Variants in RAD51B observed in about 807,000 individuals in gnomAD.
RAD51B encodes the protein DNA repair protein RAD51 homolog 2.
A neutral mutation model predicts 42.2 loss-of-function variants in RAD51B; 38 were observed. That is an observed-to-expected ratio of 0.90 (90% CI 0.70 to 1.18). The LOEUF (loss-of-function observed/expected upper bound fraction) is 1.18, where lower values mean the gene tolerates loss of function less well. RAD51B is among the 50% of genes most tolerant of loss of function. The pLI is 0.00. For synonymous variants in RAD51B, 154 were observed against 145.2 expected (o/e 1.06, Z -0.43); for missense variants, 373 against 400.7 (o/e 0.93, Z 0.59).
At chr14:68,118,164 A>G (rs563193301) in intron 7 of RAD51B, among the ~76,000 whole-genome samples, 2 of 152,354 alleles carry the variant, frequency 1.3e-5, no homozygotes, top group African/African-American at 4.8e-5. Context: ...AACAGTAGAC[A>G]AAATAGTAGT....
intron 7 of RAD51B, among the ~76,000 whole-genome samples, chr14:67,943,921 G>A (rs1453897211): frequency 6.6e-6 from 1 of 152,160 alleles, no homozygotes; most frequent in Non-Finnish European, 1.5e-5. Context: ...TATAGATATA[G>A]ATAGTGTAGG....
intron 8 of RAD51B, among the ~76,000 whole-genome samples, chr14:68,301,138 C>A (rs2081725997): frequency 6.6e-6 from 1 of 152,078 alleles, no homozygotes; most frequent in African/African-American, 2.4e-5. Flanking sequence ...TTTTTTTTAA[C>A]CATACTTCCA....
chr14:68,349,537 T>A (rs1395873640), intron 8 of RAD51B, among the ~76,000 whole-genome samples: 1 of 152,188 alleles, frequency 6.6e-6, no homozygotes, highest in Non-Finnish European at 1.5e-5. Flanking sequence ...AGCTAATTTC[T>A]GTATTTTCAG....
intron 7 of RAD51B, among the ~76,000 whole-genome samples, chr14:67,927,375 A>G (rs979930423): frequency 1.3e-5 from 2 of 152,192 alleles, no homozygotes; most frequent in Admixed American, 6.5e-5. Flanking sequence ...TCTGACATAT[A>G]CATAATATTG....
intron 7 of RAD51B, among the ~76,000 whole-genome samples, chr14:68,023,453 A>C (rs2075902042): frequency 6.6e-6 from 1 of 151,980 alleles, no homozygotes; most frequent in Non-Finnish European, 1.5e-5. Context: ...TCGCCTCCTG[A>C]GTAGCTGTGA....
rs538985554 is a variant in RAD51B, at chr14:68,644,653, C to T, written c.1037-6128C>T. ...TGTGAGAAGAAGTGGAATCTCTGCTCCGTTTTCAATCTCCCCTCACAGATT... is the reference window on the plus strand; with the variant it reads ...TGTGAGAAGAAGTGGAATCTCTGCTTCGTTTTCAATCTCCCCTCACAGATT... On this transcript the variant is annotated intron_variant, in intron 10 of 11. Transcript: ENST00000488612. 3.9e-5 allele frequency among the ~76,000 whole-genome samples: 6 copies of T among 152,160 alleles called. No homozygotes were observed. In the East Asian group the frequency reaches 1.2e-3, roughly 29 times the overall value.
At chr14:68,039,462 T>A (rs1416610434) in intron 7 of RAD51B, among the ~76,000 whole-genome samples, 2 of 151,096 alleles carry the variant, frequency 1.3e-5, no homozygotes, top group Non-Finnish European at 2.9e-5. Flanking sequence ...GTTATATATC[T>A]ATAACCATTA....
intron 9 of RAD51B, among the ~76,000 whole-genome samples, chr14:68,427,143 T>C (rs763027527): frequency 1.3e-5 from 2 of 152,208 alleles, no homozygotes; most frequent in African/African-American, 4.8e-5. Context: ...ATATATTGGA[T>C]AGCCTGGACA....
At chr14:67,835,005 T>C (rs917699114) in intron 3 of RAD51B, 75 bp from the exon 4 acceptor site, 11 of 1,151,068 alleles carry the variant, frequency 9.6e-6, no homozygotes, top group South Asian at 1.3e-5. Context: ...TGCTAAAATT[T>C]AGAGAATTAA....
intron 8 of RAD51B, among the ~76,000 whole-genome samples, chr14:68,308,832 G>T (rs1003447736): frequency 5.9e-5 from 9 of 151,972 alleles, no homozygotes; most frequent in African/African-American, 1.9e-4. Flanking sequence ...CTGAACAATG[G>T]AGCTTAATGT....
intron 10 of RAD51B, among the ~76,000 whole-genome samples, chr14:68,636,241 T>A (rs1168370230): frequency 6.6e-6 from 1 of 152,128 alleles, no homozygotes; most frequent in Non-Finnish European, 1.5e-5. Context: ...GGAGACACAA[T>A]TCAGCCTTTG....
chr14:68,447,140 C>T (rs1044900816), intron 9 of RAD51B, among the ~76,000 whole-genome samples: 1 of 152,122 alleles, frequency 6.6e-6, no homozygotes, highest in Non-Finnish European at 1.5e-5. Flanking sequence ...AATCACTTGA[C>T]CCAGGAGGCA....
rs1745972919 is a variant in RAD51B at position 67,927,721 on chromosome 14, G to GTGTGTGTGTA, written c.756+40519_756+40528dup. Among the ~76,000 whole-genome samples, 3 of 149,514 alleles carry GTGTGTGTGTA rather than the reference G, an allele frequency of 2.0e-5. No individual in the cohort carries two copies. In the South Asian group the frequency reaches 6.3e-4, roughly 31 times the overall value. On this transcript the variant is annotated intron_variant, in intron 7 of 10. Coordinates refer to ENST00000471583, the MANE Select transcript of RAD51B (RefSeq NM_133510.4). ...TCATTGTATGTGTGTGTGTGTGTGT[G>GTGTGTGTGTA]TGTGTGTGTATTATATAATATATTC...
chr14:68,408,590 G>T (rs1442980250), intron 8 of RAD51B, among the ~76,000 whole-genome samples: 1 of 152,120 alleles, frequency 6.6e-6, no homozygotes, highest in Non-Finnish European at 1.5e-5. Context: ...TGGCTCAAAA[G>T]CATGTTTATT....
chr14:68,164,066 T>A (rs2078701482), intron 7 of RAD51B, among the ~76,000 whole-genome samples: 1 of 152,218 alleles, frequency 6.6e-6, no homozygotes. Context: ...TCTTTACTGC[T>A]TTGTGATAGG....
At chr14:68,208,157 G>T (rs1303426577) in intron 7 of RAD51B, among the ~76,000 whole-genome samples, 18 of 151,640 alleles carry the variant, frequency 1.2e-4, no homozygotes, top group Admixed American at 9.2e-4. Flanking sequence ...CCCCCAAGAG[G>T]TTTCTTAAAA....
intron 7 of RAD51B, among the ~76,000 whole-genome samples, chr14:68,104,873 A>G (rs184638608): frequency 4.6e-4 from 70 of 152,214 alleles, no homozygotes; most frequent in Admixed American, 2.9e-3. Flanking sequence ...TAAGCACTCA[A>G]CTGAGGAAAT....
chr14:68,143,169 C>T (rs1385819543), intron 7 of RAD51B, among the ~76,000 whole-genome samples: 1 of 152,156 alleles, frequency 6.6e-6, no homozygotes, highest in African/African-American at 2.4e-5. Context: ...TTTAGCATGT[C>T]ACCTTACTTC....
rs2081526260 is a variant in RAD51B, at chr14:68,291,969, C to G, written c.842C>G (p.Ser281Cys). 6.2e-7 allele frequency: 1 copy of G among 1,612,558 alleles called. No individual in the cohort carries two copies. Among genetic ancestry groups the G allele is most frequent in the Admixed American group, 1.7e-5 (1 of 59,978 alleles). Residue 281 changes from serine to cysteine, a missense_variant, in exon 8 of 11, where the codon TCC becomes TGC. Transcript: ENST00000471583. The stretch of plus-strand genomic sequence containing the variant: ...CTGGTGTCTCCAGCTGATGATTTGT[C>G]CCTGTCTGAAGGTAAGGAATCTGTC... ...ADLVSPADDL[S>C]LSEGTSGSSC...
Sources: allele counts gnomAD v4.1 joint callset (sites outside exome capture counted in the v4.1 genomes callset), GRCh38; gene constraint gnomAD v4.1.1; transcripts MANE v1.5; gene names NCBI Gene and HGNC (gene_info 2026-07-23, HGNC 2026-07-21).